BANP: variants seen among roughly 807,000 people sequenced by gnomAD.
The protein encoded by BANP is protein BANP.
Under a neutral mutation model 68.1 loss-of-function variants are expected in BANP, and 11 were observed. The observed-to-expected ratio is 0.16, with a 90% CI of 0.10 to 0.27. The LOEUF (loss-of-function observed/expected upper bound fraction) is 0.27. Ranked by LOEUF, BANP falls within the 10% of genes least tolerant of loss-of-function variation. The pLI is 1.00. For missense variants in BANP, 504 were observed against 722.7 expected, an observed-to-expected ratio of 0.70 and a Z score of 3.47; for synonymous variants, 329 against 303.2, an observed-to-expected ratio of 1.09 and a Z score of -0.88.
intron 2 of BANP, among the ~76,000 whole-genome samples, chr16:87,977,132 C>T (rs1292864254): frequency 6.6e-6 from 1 of 152,136 alleles, no homozygotes; most frequent in Non-Finnish European, 1.5e-5. Flanking sequence ...CCTACTGTGT[C>T]AGCCAGGCAT....
chr16:88,035,505 C>CGTG, intron 10 of BANP, 111 bp downstream of exon 10: 1 of 1,050,986 alleles, frequency 9.5e-7, no homozygotes, highest in East Asian at 2.7e-5. Context: ...GGACAGGGAA[C>CGTG]GTGGGCAAGG....
rs549693952 is a variant in BANP, at chr16:88,027,732, G to A, written c.1063+82G>A. ...TGGCACCCTCAGGGGCAGCCAGTGC[G>A]TGGCCAGCGGCTCCACCAGTGGCCG... On this transcript the variant is annotated intron_variant, in intron 8 of 13. Transcript: ENST00000682872. The A allele has an allele frequency of 5.2e-4, 792 of 1,516,852 alleles. 4 individuals are homozygous for A. The African/African-American group carries it at 8.9e-3, about 17-fold the overall frequency. 94.0% of individuals were successfully genotyped at this position (1,516,852 alleles called of 1,614,324 possible).
chr16:88,025,802 C>T (rs766970059), intron 7 of BANP, among the ~76,000 whole-genome samples: 3 of 152,154 alleles, frequency 2.0e-5, no homozygotes, highest in East Asian at 1.9e-4. Flanking sequence ...CAGTAGAGTC[C>T]GAACTTGAGG....
At chr16:88,051,421 C>T (rs2083247713) in intron 11 of BANP, among the ~76,000 whole-genome samples, 1 of 152,200 alleles carries the variant, frequency 6.6e-6, no homozygotes, top group South Asian at 2.1e-4. Context: ...ACACATTGAG[C>T]TTGTAGAAAG....
At chr16:88,073,335 T>G (rs8062855) in intron 13 of BANP, among the ~76,000 whole-genome samples, 3 of 152,038 alleles carry the variant, frequency 2.0e-5, no homozygotes, top group Non-Finnish European at 2.9e-5. Context: ...CTGTAGAAGG[T>G]CTGGCCCCTC....
At chr16:87,999,434 C>A (rs1447717696) in intron 4 of BANP, among the ~76,000 whole-genome samples, 6 of 64,218 alleles carry the variant, frequency 9.3e-5, no homozygotes, top group Non-Finnish European at 9.2e-5. Context: ...AGACACGTCT[C>A]CATGCACGCA....
chr16:88,054,608 C>T (rs1464800514), intron 11 of BANP, among the ~76,000 whole-genome samples: 2 of 152,248 alleles, frequency 1.3e-5, no homozygotes, highest in African/African-American at 4.8e-5. Flanking sequence ...CCAGCACCAG[C>T]ACCGTCAAGG....
intron 10 of BANP, 98 bp from the exon 11 acceptor site, chr16:88,037,875 C>G: frequency 8.2e-7 from 1 of 1,223,066 alleles, no homozygotes; most frequent in East Asian, 2.3e-5. Context: ...TCTTGTTATT[C>G]TCAAGTGGCC....
chr16:87,997,144 A>T (rs1014080629), intron 4 of BANP, among the ~76,000 whole-genome samples: 22 of 152,194 alleles, frequency 1.4e-4, no homozygotes, highest in African/African-American at 5.1e-4. Flanking sequence ...TGTTTTGTAG[A>T]AATGGGGTCT....
chr16:88,015,207 T>C (rs116009675), intron 6 of BANP, among the ~76,000 whole-genome samples: 2,056 of 136,262 alleles, frequency 0.015, 47 homozygotes, highest in African/African-American at 0.051. Context: ...CTTCTGCCCA[T>C]CCCTCTGCTT....
Position 88,027,631 on chromosome 16 carries a change from GTCC to G in BANP, c.1049_1051del (p.Ser350del). The G allele has an allele frequency of 1.2e-6, 2 of 1,613,482 alleles. No homozygotes were observed. The highest frequency in any genetic ancestry group is 1.1e-5 in the South Asian group (1 of 91,064). The stretch of plus-strand genomic sequence containing the variant: ...GCTTCTCGCGGAGAACGCCCAACTC[GTCC>G]TCCTACTGCCCTTCAGGTAGGCCTC... On this transcript the variant is annotated inframe_deletion, in exon 8 of 14. Transcript: ENST00000682872.
At chr16:87,955,431 T>C (rs1055072515) in intron 1 of BANP, among the ~76,000 whole-genome samples, 1 of 152,254 alleles carries the variant, frequency 6.6e-6, no homozygotes, top group African/African-American at 2.4e-5. Context: ...TGAGCTTCCC[T>C]GTTGTCTTCA....
intron 1 of BANP, among the ~76,000 whole-genome samples, chr16:87,954,987 C>T (rs1192951602): frequency 2.0e-5 from 3 of 152,254 alleles, no homozygotes; most frequent in African/African-American, 4.8e-5. Flanking sequence ...GCAGCGTGGG[C>T]TGGTGGCTCT....
At chr16:87,976,003 A>AACCTT (rs1202988368) in intron 2 of BANP, among the ~76,000 whole-genome samples, 1 of 151,754 alleles carries the variant, frequency 6.6e-6, no homozygotes, top group African/African-American at 2.4e-5. Context: ...GGTGTCATGG[A>AACCTT]ACCTTACCAT....
chr16:88,072,039 G>T (rs758321188), intron 12 of BANP, 30 bp from the exon 13 acceptor site: 6 of 1,548,888 alleles, frequency 3.9e-6, no homozygotes, highest in Non-Finnish European at 3.5e-6. Context: ...GGGCCACGCC[G>T]CTGACGGGCC....
At chr16:88,005,228 G>T (rs1428159683) in intron 5 of BANP, among the ~76,000 whole-genome samples, 1 of 152,170 alleles carries the variant, frequency 6.6e-6, no homozygotes, top group Admixed American at 6.5e-5. Flanking sequence ...TGCCTCAGGG[G>T]CTTTGCACTG....
At chr16:87,970,410 A>G (rs1358671659) in intron 1 of BANP, among the ~76,000 whole-genome samples, 1 of 152,204 alleles carries the variant, frequency 6.6e-6, no homozygotes, top group South Asian at 2.1e-4. Flanking sequence ...TCTGTTACCT[A>G]GATTCTTAAT....
intron 7 of BANP, among the ~76,000 whole-genome samples, chr16:88,019,742 C>T (rs1335689975): frequency 2.8e-5 from 4 of 144,564 alleles, no homozygotes; most frequent in South Asian, 2.2e-4. Context: ...GCGTGCAGGG[C>T]CAGCTGTTCC....
intron 8 of BANP, among the ~76,000 whole-genome samples, chr16:88,028,489 G>A (rs1055215996): frequency 2.0e-5 from 3 of 152,202 alleles, no homozygotes; most frequent in African/African-American, 4.8e-5. Flanking sequence ...TCAGATACTC[G>A]GCCTCAGCTG....
Sources: allele counts gnomAD v4.1 joint callset (sites outside exome capture counted in the v4.1 genomes callset), GRCh38; gene constraint gnomAD v4.1.1; transcripts MANE v1.5; gene names NCBI Gene and HGNC (gene_info 2026-07-23, HGNC 2026-07-21).